ADAMTS17: variants seen among roughly 807,000 people sequenced by gnomAD.
The protein encoded by ADAMTS17 is ADAM metallopeptidase with thrombospondin type 1 motif 17.
In ADAMTS17, 113 loss-of-function variants were observed where a neutral mutation model predicts 141.5. The ratio of observed to expected loss-of-function variants is 0.80; its 90% CI spans 0.69 to 0.93. The LOEUF (loss-of-function observed/expected upper bound fraction) is 0.93, where lower values mean the gene tolerates loss of function less well. ADAMTS17 is among the 40% of genes least tolerant of loss of function. The pLI is 0.00. For missense variants in ADAMTS17, 1,659 were observed against 1,517.9 expected (o/e 1.09, Z -1.54); for synonymous variants, 768 against 630.6 (o/e 1.22, Z -3.27).
At chr15:100,161,682 A>G (rs1405918064) in intron 8 of ADAMTS17, among the ~76,000 whole-genome samples, 1 of 152,334 alleles carries the variant, frequency 6.6e-6, no homozygotes, top group East Asian at 1.9e-4. Flanking sequence ...TCCAGTCAGT[A>G]CTTCTTGCCA....
chr15:100,229,326 G>C (rs2042405872), intron 7 of ADAMTS17, among the ~76,000 whole-genome samples: 1 of 142,276 alleles, frequency 7.0e-6, no homozygotes, highest in African/African-American at 2.7e-5. Context: ...TGGACTCCCA[G>C]GCCTCTTATC....
intron 3 of ADAMTS17, among the ~76,000 whole-genome samples, chr15:100,296,542 G>A (rs1336087526): frequency 6.6e-6 from 1 of 152,040 alleles, no homozygotes; most frequent in Admixed American, 6.5e-5. Context: ...AAAGAAAGGT[G>A]GAAAATAAGG....
At chr15:100,330,269 G>A (rs2056646523) in intron 3 of ADAMTS17, among the ~76,000 whole-genome samples, 1 of 152,204 alleles carries the variant, frequency 6.6e-6, no homozygotes, top group Non-Finnish European at 1.5e-5. Flanking sequence ...TTGGGGGACA[G>A]GCCAGTGCAT....
intron 15 of ADAMTS17, among the ~76,000 whole-genome samples, chr15:100,075,647 A>G (rs1383549): frequency 0.039 from 5,956 of 152,194 alleles, 419 homozygotes; most frequent in African/African-American, 0.14. Context: ...CTTTGTGCCA[A>G]CTTTTCCTGG....
intron 8 of ADAMTS17, among the ~76,000 whole-genome samples, chr15:100,161,652 C>G (rs60315579): frequency 0.02 from 3,097 of 152,270 alleles, 159 homozygotes; most frequent in East Asian, 0.19. Flanking sequence ...CAGGCCAGCT[C>G]TGCACCAGAG....
chr15:100,202,103 G>C (rs1201195363), intron 7 of ADAMTS17, among the ~76,000 whole-genome samples: 1 of 152,234 alleles, frequency 6.6e-6, no homozygotes, highest in Non-Finnish European at 1.5e-5. Context: ...TTCCTGTCCT[G>C]AGTGTGCCCA....
chr15:99,990,657 G>A (rs994177342), intron 20 of ADAMTS17, among the ~76,000 whole-genome samples: 2 of 151,504 alleles, frequency 1.3e-5, no homozygotes, highest in African/African-American at 4.9e-5. Flanking sequence ...AAGGGTTTGG[G>A]GAACTTTGTG....
intron 12 of ADAMTS17, among the ~76,000 whole-genome samples, chr15:100,123,059 A>T (rs2037531556): frequency 6.6e-6 from 1 of 152,138 alleles, no homozygotes; most frequent in South Asian, 2.1e-4. Flanking sequence ...GTTCTGGGGG[A>T]GGACTCAAAG....
intron 3 of ADAMTS17, among the ~76,000 whole-genome samples, chr15:100,287,964 A>C (rs2044500242): frequency 1.3e-5 from 2 of 152,254 alleles, no homozygotes; most frequent in African/African-American, 4.8e-5. Flanking sequence ...AGTCTATGTA[A>C]TAACCAGCTA....
intron 7 of ADAMTS17, among the ~76,000 whole-genome samples, chr15:100,213,414 T>C (rs183405821): frequency 2.0e-5 from 3 of 152,330 alleles, no homozygotes; most frequent in Non-Finnish European, 2.9e-5. Context: ...AGAAAATCGA[T>C]GTCAACATCC....
intron 12 of ADAMTS17, among the ~76,000 whole-genome samples, chr15:100,122,766 A>G (rs1203545887): frequency 1.3e-5 from 2 of 152,180 alleles, no homozygotes; most frequent in African/African-American, 4.8e-5. Context: ...ATTAAGTGGA[A>G]GTGGATCATC....
At chr15:100,090,776 G>A (rs904613294) in intron 15 of ADAMTS17, among the ~76,000 whole-genome samples, 2 of 152,138 alleles carry the variant, frequency 1.3e-5, no homozygotes, top group African/African-American at 4.8e-5. Context: ...GGGAGGCTGA[G>A]GCGGGTGGAT....
intron 18 of ADAMTS17, 145 bp downstream of exon 18, chr15:100,048,712 T>G: frequency 7.5e-7 from 1 of 1,329,434 alleles, no homozygotes; most frequent in Non-Finnish European, 1.0e-6. Flanking sequence ...ATTTGGTAAT[T>G]TGAGCAAGCG....
chr15:100,029,247 C>A (rs915935098), intron 18 of ADAMTS17, among the ~76,000 whole-genome samples: 10 of 152,204 alleles, frequency 6.6e-5, no homozygotes, highest in African/African-American at 2.4e-4. Context: ...GCTGTGGGAA[C>A]AAAACTACCT....
In ADAMTS17 at chr15:99,974,312, G is replaced by T. The variant is rs557053161; in HGVS notation, c.*90C>A. 19,088 of 1,554,204 alleles carry T rather than the reference G, an allele frequency of 0.012. 1,889 individuals are homozygous for T. In the African/African-American group the frequency reaches 0.22, roughly 18 times the overall value. On this transcript the variant is annotated 3_prime_UTR_variant, in exon 22 of 22. Transcript: ENST00000268070. Reference sequence around the variant, plus strand: ...TGTAGTTGGATTCTTGTGGCAGCCGGGTGGGGGCGTGGCCACAAGGCTGGT... The same window carrying T: ...TGTAGTTGGATTCTTGTGGCAGCCGTGTGGGGGCGTGGCCACAAGGCTGGT...
rs1596561243 is a variant in ADAMTS17, at chr15:100,341,143, G to A, written c.346C>T (p.Arg116Trp). 1.7e-5 allele frequency: 24 copies of A among 1,437,596 alleles called. No homozygotes were observed. The highest frequency in any genetic ancestry group is 2.8e-5 in the Admixed American group (1 of 35,928). The allele number at this position is 1,437,596 out of a possible 1,614,324, so 89.1% of individuals were successfully genotyped here. The change falls in exon 2 of 22, where the codon CGG becomes TGG. Residue 116 changes from arginine to tryptophan, a missense_variant. Arg to Trp is a moderately radical substitution (Grantham distance 101). Coordinates refer to ENST00000268070, the MANE Select transcript of ADAMTS17 (RefSeq NM_139057.4). The part of the protein sequence containing the change: ...GFEVEEAGAA[R>W]RRGRPAELCF... Reference sequence around the variant, plus strand: ...AGCTCGGCGGGGCGGCCGCGGCGCCGGGCCGCGCCCGCCTCCTCCACCTCG... The same window carrying A: ...AGCTCGGCGGGGCGGCCGCGGCGCCAGGCCGCGCCCGCCTCCTCCACCTCG...
intron 7 of ADAMTS17, among the ~76,000 whole-genome samples, chr15:100,223,755 T>TATAC (rs915057365): frequency 1.3e-5 from 2 of 151,342 alleles, no homozygotes; most frequent in East Asian, 3.9e-4. Context: ...TATATATATA[T>TATAC]ACACACACAC....
Position 100,100,519 on chromosome 15 carries a change from G to A in ADAMTS17, c.2017-4043C>T, listed in dbSNP as rs1233389950. Among the ~76,000 whole-genome samples, 2 of 152,096 alleles carry A rather than the reference G, an allele frequency of 1.3e-5. 1 individual carries two copies. Among genetic ancestry groups the A allele is most frequent in the Admixed American group, 1.3e-4 (2 of 15,268 alleles). ...TCTTAATTCTAGTTGGACACCCCCT[G>A]CCACTGTCTTGGAACTGACAGACAG... On this transcript the variant is annotated intron_variant, in intron 14 of 21. Transcript: ENST00000268070.
At chr15:100,064,624 C>A (rs185952745) in intron 15 of ADAMTS17, among the ~76,000 whole-genome samples, 1 of 152,304 alleles carries the variant, frequency 6.6e-6, no homozygotes, top group African/African-American at 2.4e-5. Context: ...CTTGCTTCCA[C>A]CACCTTTGGC....
Sources: gnomAD v4.1 joint callset for allele counts (sites outside exome capture counted in the v4.1 genomes callset) on GRCh38, gnomAD v4.1.1 for gene constraint, MANE v1.5 for transcripts, NCBI Gene and HGNC (gene_info 2026-07-23, HGNC 2026-07-21) for gene names.